Variants in AGBL4 observed in about 807,000 individuals in gnomAD.
The protein encoded by AGBL4 is AGBL carboxypeptidase 4, also known as cytosolic carboxypeptidase 6.
In AGBL4, 58 loss-of-function variants were observed where a neutral mutation model predicts 66.4. The observed-to-expected ratio is 0.87, with a 90% CI of 0.71 to 1.09. The LOEUF (loss-of-function observed/expected upper bound fraction) is 1.09, where lower values mean the gene tolerates loss of function less well. Ranked by LOEUF, AGBL4 falls within the 50% of genes least tolerant of loss-of-function variation. The pLI is 0.00. For synonymous variants in AGBL4, 234 were observed against 222.9 expected, an observed-to-expected ratio of 1.05 and a Z score of -0.44; for missense variants, 579 against 631.0, an observed-to-expected ratio of 0.92 and a Z score of 0.88.
At chr1:48,855,003 G>A (rs1328404515) in intron 6 of AGBL4, among the ~76,000 whole-genome samples, 1 of 152,204 alleles carries the variant, frequency 6.6e-6, no homozygotes, top group Non-Finnish European at 1.5e-5. Flanking sequence ...AAGAACCAAT[G>A]AGTTCTCTAT....
chr1:49,743,730 A>C (rs1204782877), intron 2 of AGBL4, among the ~76,000 whole-genome samples: 3 of 152,156 alleles, frequency 2.0e-5, no homozygotes, highest in Non-Finnish European at 4.4e-5. Context: ...GCCATAAAAA[A>C]TTATGAGTTC....
In AGBL4 at chr1:49,947,974, T is replaced by A. The variant is rs71651131; in HGVS notation, c.34+75789A>T. 7.7e-3 allele frequency among the ~76,000 whole-genome samples: 555 copies of A among 72,428 alleles called. 7 individuals carry two copies. The highest frequency in any genetic ancestry group is 0.012 in the Non-Finnish European group (439 of 35,868). 47.5% of individuals were successfully genotyped at this position (72,428 alleles called of 152,430 possible). ...GCAATATATATATAAATATATATAT[T>A]TATAAATATATATTTATATATATAA... is the stretch of plus-strand genomic sequence containing the variant. On this transcript the variant is annotated intron_variant, in intron 1 of 13. Coordinates refer to ENST00000371839, the MANE Select transcript of AGBL4 (RefSeq NM_032785.4).
chr1:48,638,814 T>C (rs12562662), intron 8 of AGBL4, among the ~76,000 whole-genome samples: 6,676 of 152,356 alleles, frequency 0.044, 155 homozygotes, highest in Non-Finnish European at 0.05. Flanking sequence ...GAAGTAGTTG[T>C]TGAACAAACA....
intron 4 of AGBL4, among the ~76,000 whole-genome samples, chr1:49,201,913 T>C (rs559068570): frequency 6.6e-6 from 1 of 152,068 alleles, no homozygotes; most frequent in African/African-American, 2.4e-5. Context: ...GAAATGAGTG[T>C]GGGAGAGATG....
intron 3 of AGBL4, among the ~76,000 whole-genome samples, chr1:49,348,296 T>C (rs1007427903): frequency 2.0e-5 from 3 of 152,076 alleles, no homozygotes; most frequent in African/African-American, 7.2e-5. Context: ...CAGGTGCCTG[T>C]AGTCCCAGCT....
intron 6 of AGBL4, among the ~76,000 whole-genome samples, chr1:48,688,797 C>T (rs1405640577): frequency 6.6e-6 from 1 of 151,204 alleles, no homozygotes; most frequent in Non-Finnish European, 1.5e-5. Flanking sequence ...CATTGCAAAG[C>T]TCTTTTTTTT....
intron 2 of AGBL4, among the ~76,000 whole-genome samples, chr1:49,757,790 A>G (rs1045975058): frequency 6.6e-6 from 1 of 152,176 alleles, no homozygotes; most frequent in East Asian, 1.9e-4. Context: ...GAGGAAGAAG[A>G]GCATGAAAGT....
intron 1 of AGBL4, among the ~76,000 whole-genome samples, chr1:49,961,625 T>C (rs1158206522): frequency 6.6e-6 from 1 of 152,174 alleles, no homozygotes; most frequent in African/African-American, 2.4e-5. Context: ...AAAATTATTT[T>C]AATAAAAGAT....
At position 49,837,587 on chromosome 1, in the gene AGBL4, C is replaced by G. The variant is rs543663553; in HGVS notation, c.157+13809G>C. Among the ~76,000 whole-genome samples the G allele has an allele frequency of 2.6e-5, 4 of 152,312 alleles. No individual in the cohort carries two copies. The East Asian group carries it at 7.7e-4, about 29-fold the overall frequency. On this transcript the variant is annotated intron_variant, in intron 2 of 13. Coordinates refer to ENST00000371839, the MANE Select transcript of AGBL4 (RefSeq NM_032785.4). ...CCTGGCCAGATGCAGTGGCTCACAC[C>G]TGTAATCCCAGCACTTTGGGAGGCC... is the stretch of plus-strand genomic sequence containing the variant.
intron 1 of AGBL4, among the ~76,000 whole-genome samples, chr1:49,948,691 G>T (rs1444126378): frequency 6.7e-6 from 1 of 149,388 alleles, no homozygotes; most frequent in Non-Finnish European, 1.5e-5. Context: ...AATCATAGAT[G>T]ACACAAACAA....
intron 4 of AGBL4, among the ~76,000 whole-genome samples, chr1:49,172,067 T>C (rs1646748962): frequency 6.6e-6 from 1 of 152,192 alleles, no homozygotes; most frequent in Admixed American, 6.5e-5. Flanking sequence ...CACCAAAATA[T>C]ATTTCTTCCC....
At chr1:49,616,278 T>G (rs1645248103) in intron 3 of AGBL4, among the ~76,000 whole-genome samples, 1 of 152,114 alleles carries the variant, frequency 6.6e-6, no homozygotes. Context: ...CTATAATCAA[T>G]CCACATCCCT....
At chr1:49,160,691 G>A (rs114157819) in intron 4 of AGBL4, among the ~76,000 whole-genome samples, 1,820 of 152,270 alleles carry the variant, frequency 0.012, 30 homozygotes, top group African/African-American at 0.042. Flanking sequence ...GGGAGATAGG[G>A]GTTTTATCTA....
chr1:48,906,932 A>T (rs1334801690), intron 5 of AGBL4, among the ~76,000 whole-genome samples: 1 of 152,178 alleles, frequency 6.6e-6, no homozygotes, highest in East Asian at 1.9e-4. Flanking sequence ...TGTACATCTG[A>T]GCTGAGTTTA....
intron 4 of AGBL4, among the ~76,000 whole-genome samples, chr1:49,146,256 C>T (rs2148109005): frequency 6.6e-6 from 1 of 152,148 alleles, no homozygotes; most frequent in African/African-American, 2.4e-5. Context: ...AAGATTATAA[C>T]TGTATTGTTT....
intron 2 of AGBL4, among the ~76,000 whole-genome samples, chr1:49,758,819 T>A (rs570667104): frequency 5.9e-5 from 9 of 152,094 alleles, no homozygotes; most frequent in Admixed American, 5.2e-4. Flanking sequence ...TTTAGGGGAC[T>A]GTTGGGAAGG....
chr1:48,790,076 T>G (rs1331689652), intron 6 of AGBL4, among the ~76,000 whole-genome samples: 1 of 152,212 alleles, frequency 6.6e-6, no homozygotes, highest in East Asian at 1.9e-4. Context: ...GAAATCACTA[T>G]GCTTACATTT....
intron 4 of AGBL4, among the ~76,000 whole-genome samples, chr1:49,089,530 A>G (rs1440729331): frequency 6.6e-6 from 1 of 151,936 alleles, no homozygotes; most frequent in Non-Finnish European, 1.5e-5. Flanking sequence ...AAATGTCTAT[A>G]CAAGACTGAA....
At chr1:49,194,418 G>T (rs1647185204) in intron 4 of AGBL4, among the ~76,000 whole-genome samples, 1 of 152,038 alleles carries the variant, frequency 6.6e-6, no homozygotes, top group African/African-American at 2.4e-5. Flanking sequence ...TACAAGTGAG[G>T]TGACTTTCTT....
Sources: allele counts gnomAD v4.1 joint callset (sites outside exome capture counted in the v4.1 genomes callset), GRCh38; gene constraint gnomAD v4.1.1; transcripts MANE v1.5; gene names NCBI Gene and HGNC (gene_info 2026-07-23, HGNC 2026-07-21).